EML4: variants seen among roughly 807,000 people sequenced by gnomAD.
EML4 encodes echinoderm microtubule-associated protein-like 4.
EML4 carries 72 observed loss-of-function variants against 129.0 expected under a neutral mutation model. That is an observed-to-expected ratio of 0.56 (90% CI 0.46 to 0.68). The LOEUF (loss-of-function observed/expected upper bound fraction) is 0.68. EML4 is among the 30% of genes least tolerant of loss of function. EML4 has a pLI of 0.00. For synonymous variants in EML4, 532 were observed against 405.0 expected (o/e 1.31, Z -3.77); for missense variants, 1,363 against 1,190.6 (o/e 1.14, Z -2.13).
At chr2:42,185,000 T>C (rs1671165744) in intron 1 of EML4, among the ~76,000 whole-genome samples, 1 of 152,220 alleles carries the variant, frequency 6.6e-6, no homozygotes, top group Non-Finnish European at 1.5e-5. Context: ...CTTTAACTTT[T>C]TGTTTTTATG....
chr2:42,226,607 A>G (rs1463736640), intron 1 of EML4, among the ~76,000 whole-genome samples: 1 of 152,098 alleles, frequency 6.6e-6, no homozygotes, highest in African/African-American at 2.4e-5. Context: ...CTGTGAGGTG[A>G]GATCGTGCCA....
intron 1 of EML4, among the ~76,000 whole-genome samples, chr2:42,243,307 C>G (rs1192155826): frequency 6.6e-6 from 1 of 152,124 alleles, no homozygotes; most frequent in Non-Finnish European, 1.5e-5. Context: ...GTCTAACATA[C>G]TTACAAAGAA....
chr2:42,178,714 C>G (rs1670761661), intron 1 of EML4, among the ~76,000 whole-genome samples: 1 of 152,162 alleles, frequency 6.6e-6, no homozygotes, highest in Non-Finnish European at 1.5e-5. Flanking sequence ...TTGTCTGTGT[C>G]TTGACTGGTT....
At chr2:42,220,409 C>A (rs1673512683) in intron 1 of EML4, among the ~76,000 whole-genome samples, 1 of 152,086 alleles carries the variant, frequency 6.6e-6, no homozygotes, top group Middle Eastern at 3.4e-3. Flanking sequence ...TTACGGTGAC[C>A]TGTGATCCAT....
At chr2:42,261,730 T>TC (rs2104385170) in intron 4 of EML4, among the ~76,000 whole-genome samples, 1 of 152,302 alleles carries the variant, frequency 6.6e-6, no homozygotes, top group East Asian at 1.9e-4. Flanking sequence ...CTCAAGTGGC[T>TC]CTTCACTGTG....
At chr2:42,225,386 A>G (rs972724654) in intron 1 of EML4, among the ~76,000 whole-genome samples, 6 of 152,148 alleles carry the variant, frequency 3.9e-5, no homozygotes, top group Non-Finnish European at 7.4e-5. Flanking sequence ...CAAGAGTTCT[A>G]ATTTCTCCAC....
rs1670115374 is a variant in EML4 at position 42,169,447 on chromosome 2, G to T, written c.-165G>T. 4.4e-6 allele frequency: 3 copies of T among 678,174 alleles called. No homozygotes were observed. The highest frequency in any genetic ancestry group is 6.9e-6 in the Non-Finnish European group (3 of 435,972). The allele number at this position is 678,174 out of a possible 1,614,324, so 42.0% of individuals were successfully genotyped here. On this transcript the variant is annotated 5_prime_UTR_variant, in exon 1 of 23. Coordinates refer to ENST00000318522, the MANE Select transcript of EML4 (RefSeq NM_019063.5). ...CGGGGAAGTGGTTCGGGCGGCCGCG[G>T]CTTACTACCCCAGGGCGAACGGACG...
At chr2:42,276,821 G>C (rs892139872) in intron 6 of EML4, among the ~76,000 whole-genome samples, 1 of 152,168 alleles carries the variant, frequency 6.6e-6, no homozygotes, top group Non-Finnish European at 1.5e-5. Context: ...ATAATGTATT[G>C]CCAGAAATTG....
At chr2:42,263,055 C>T in intron 4 of EML4, 123 bp from the exon 5 acceptor site, 1 of 766,204 alleles carries the variant, frequency 1.3e-6, no homozygotes, top group Non-Finnish European at 2.1e-6. Flanking sequence ...TTCAACTAAT[C>T]CTTCTCTTTT....
chr2:42,302,751 C>T (rs1035688771), intron 14 of EML4, among the ~76,000 whole-genome samples: 2 of 152,090 alleles, frequency 1.3e-5, no homozygotes, highest in Non-Finnish European at 2.9e-5. Flanking sequence ...CCAGGCTGGT[C>T]TCGAACTCCT....
At chr2:42,249,058 ACT>A (rs1675600341) in intron 2 of EML4, among the ~76,000 whole-genome samples, 2 of 152,102 alleles carry the variant, frequency 1.3e-5, no homozygotes, top group African/African-American at 2.4e-5. Flanking sequence ...AATTTAAGTG[ACT>A]CTTCACTATT....
At chr2:42,228,053 CTACAAAAAA>C (rs1368560351) in intron 1 of EML4, among the ~76,000 whole-genome samples, 1 of 152,006 alleles carries the variant, frequency 6.6e-6, no homozygotes, top group Non-Finnish European at 1.5e-5. Context: ...AACCCCATCT[CTACAAAAAA>C]TACAAAAAAT....
At chr2:42,170,129 A>C (rs1670181316) in intron 1 of EML4, 1 of 153,556 alleles carries the variant, frequency 6.5e-6, no homozygotes, top group South Asian at 2.0e-4. Context: ...CCTCTTCAGG[A>C]AGGGGGCATC....
chr2:42,282,294 A>G (rs185619882), intron 7 of EML4, among the ~76,000 whole-genome samples: 2 of 147,566 alleles, frequency 1.4e-5, no homozygotes, highest in East Asian at 2.0e-4. Context: ...TTCAATACAT[A>G]TTTGTCTGGT....
intron 1 of EML4, among the ~76,000 whole-genome samples, chr2:42,211,012 A>G (rs1672855636): frequency 6.6e-6 from 1 of 152,202 alleles, no homozygotes; most frequent in Non-Finnish European, 1.5e-5. Context: ...AAGTAATCAG[A>G]AGGTCCATGT....
intron 3 of EML4, among the ~76,000 whole-genome samples, chr2:42,257,427 C>T (rs1156775183): frequency 1.3e-5 from 2 of 152,114 alleles, no homozygotes; most frequent in Non-Finnish European, 1.5e-5. Flanking sequence ...ATGCTTACCT[C>T]AATAAACTAA....
In EML4 at chr2:42,304,473, C is replaced by G; in HGVS notation, c.1900-11C>G. ...CATGTACTCCCCAACAGCTGTCTGT[C>G]TCTTTTCTAGGAACCAGGACACTGT... On this transcript the variant is annotated splice_polypyrimidine_tract_variant and intron_variant, in intron 16 of 22. Transcript: ENST00000318522. 6.2e-7 allele frequency: 1 copy of G among 1,613,332 alleles called. No homozygotes were observed. Among genetic ancestry groups the G allele is most frequent in the Non-Finnish European group, 8.5e-7 (1 of 1,179,310 alleles).
At chr2:42,230,071 G>C (rs1178991853) in intron 1 of EML4, among the ~76,000 whole-genome samples, 1 of 152,024 alleles carries the variant, frequency 6.6e-6, no homozygotes, top group East Asian at 1.9e-4. Context: ...TAATAAAGGG[G>C]GTTCTTATCT....
chr2:42,228,847 C>T (rs1048503277), intron 1 of EML4, among the ~76,000 whole-genome samples: 1 of 152,170 alleles, frequency 6.6e-6, no homozygotes, highest in African/African-American at 2.4e-5. Context: ...CCTAACAATG[C>T]ATGGTATGTA....
Sources: gnomAD v4.1 joint callset for allele counts (sites outside exome capture counted in the v4.1 genomes callset) on GRCh38, gnomAD v4.1.1 for gene constraint, MANE v1.5 for transcripts, NCBI Gene and HGNC (gene_info 2026-07-23, HGNC 2026-07-21) for gene names.